The following ANO6 variants were observed in gnomAD, a reference collection of about 807,000 sequenced individuals.
ANO6 encodes the protein anoctamin-6.
Under a neutral mutation model 117.5 loss-of-function variants are expected in ANO6, and 106 were observed. The ratio of observed to expected loss-of-function variants is 0.90; its 90% CI spans 0.77 to 1.06. The LOEUF (loss-of-function observed/expected upper bound fraction) is 1.06. Ranked by LOEUF, ANO6 falls within the 50% of genes least tolerant of loss-of-function variation. ANO6 has a pLI of 0.00. For missense variants in ANO6, 955 were observed against 1,121.1 expected (o/e 0.85, Z 2.12); for synonymous variants, 367 against 385.1 (o/e 0.95, Z 0.55).
chr12:45,293,072 G>C, intron 1 of ANO6: 2 of 1,275,450 alleles, frequency 1.6e-6, no homozygotes, highest in Non-Finnish European at 2.1e-6. Flanking sequence ...TTATTAGTCT[G>C]CTTTGTGTGT....
chr12:45,264,891 G>T (rs1308908686), intron 1 of ANO6, among the ~76,000 whole-genome samples: 9 of 152,156 alleles, frequency 5.9e-5, no homozygotes, highest in Non-Finnish European at 1.3e-4. Context: ...TTGGTCTGAG[G>T]CTGTGAGCTC....
At chr12:45,414,465 G>C (rs535961860) in intron 16 of ANO6, among the ~76,000 whole-genome samples, 2 of 151,972 alleles carry the variant, frequency 1.3e-5, no homozygotes, top group Non-Finnish European at 2.9e-5. Flanking sequence ...TTTTTCCCAT[G>C]ACTTAGCTAG....
At chr12:45,305,919 A>T (rs1240993349) in intron 2 of ANO6, among the ~76,000 whole-genome samples, 1 of 152,004 alleles carries the variant, frequency 6.6e-6, no homozygotes, top group Non-Finnish European at 1.5e-5. Flanking sequence ...AAAAAAAAAT[A>T]ACTGGAGGTG....
chr12:45,339,365 T>C (rs1940915457), intron 3 of ANO6, among the ~76,000 whole-genome samples: 1 of 152,116 alleles, frequency 6.6e-6, no homozygotes, highest in Non-Finnish European at 1.5e-5. Flanking sequence ...GGAAAACACT[T>C]TACTGAAAAA....
Position 45,263,011 on chromosome 12 carries a change from G to A in ANO6, c.71-39003G>A, listed in dbSNP as rs75189298. ...TGGTCTATGGGATCATGTAGGAGGG[G>A]AACTTAACTTGAGGTATAATTTGCA... On this transcript the variant is annotated intron_variant, in intron 1 of 19. Transcript: ENST00000320560. Among the ~76,000 whole-genome samples, 911 of 152,114 alleles carry A rather than the reference G, an allele frequency of 6.0e-3. 14 individuals carry two copies. The highest frequency in any genetic ancestry group is 0.021 in the African/African-American group (866 of 41,470).
At chr12:45,393,715 T>G (rs1262624932) in intron 12 of ANO6, among the ~76,000 whole-genome samples, 1 of 152,200 alleles carries the variant, frequency 6.6e-6, no homozygotes, top group Non-Finnish European at 1.5e-5. Flanking sequence ...AAAAGAATTT[T>G]CAACCCAGAA....
intron 9 of ANO6, among the ~76,000 whole-genome samples, chr12:45,374,046 A>C (rs1941929856): frequency 6.6e-6 from 1 of 152,112 alleles, no homozygotes; most frequent in African/African-American, 2.4e-5. Context: ...ACAGAAATAC[A>C]AACTACCATC....
intron 10 of ANO6, among the ~76,000 whole-genome samples, chr12:45,385,183 A>G (rs535749895): frequency 6.6e-6 from 1 of 152,320 alleles, no homozygotes; most frequent in Non-Finnish European, 1.5e-5. Flanking sequence ...TCCAGTGGGT[A>G]TGATAGACAG....
At chr12:45,342,846 T>C (rs564018422) in intron 3 of ANO6, among the ~76,000 whole-genome samples, 1 of 152,192 alleles carries the variant, frequency 6.6e-6, no homozygotes, top group South Asian at 2.1e-4. Flanking sequence ...TTGGGAAACA[T>C]TTAAGGTGTT....
chr12:45,416,786 G>T lies in ANO6; in HGVS notation c.2099G>T (p.Arg700Ile). 6.2e-7 allele frequency: 1 copy of T among 1,614,118 alleles called. No homozygotes were observed. The change falls in exon 17 of 20, where the codon AGA (arginine) becomes ATA (isoleucine). Residue 700 changes from arginine (R) to isoleucine (I), a missense_variant. By Grantham distance (97) the Arg-to-Ile change is moderately conservative. Transcript: ENST00000320560. ...LALVNNILEI[R>I]VDAWKLTTQF... Reference sequence around the variant, plus strand: ...CTCGTGAACAATATATTGGAAATAAGAGTGGACGCATGGAAACTGACCACC... The same window carrying T: ...CTCGTGAACAATATATTGGAAATAATAGTGGACGCATGGAAACTGACCACC...
intron 18 of ANO6, 86 bp downstream of exon 18, chr12:45,421,359 A>T (rs1197948380): frequency 1.3e-5 from 18 of 1,368,462 alleles, no homozygotes; most frequent in East Asian, 2.5e-5. Flanking sequence ...TGTCATTTTT[A>T]AAATTTTTAT....
chr12:45,251,659 T>C (rs1947902431), intron 1 of ANO6, among the ~76,000 whole-genome samples: 1 of 152,202 alleles, frequency 6.6e-6, no homozygotes, highest in South Asian at 2.1e-4. Context: ...CAGGTACCTT[T>C]CTCATCATGC....
intron 2 of ANO6, among the ~76,000 whole-genome samples, chr12:45,326,076 AC>A (rs1301042239): frequency 6.6e-6 from 1 of 152,178 alleles, no homozygotes; most frequent in Non-Finnish European, 1.5e-5. Context: ...AATATTTAAT[AC>A]TCATTATGCT....
intron 9 of ANO6, among the ~76,000 whole-genome samples, chr12:45,372,379 C>T (rs1157538597): frequency 8.6e-5 from 12 of 139,350 alleles, no homozygotes; most frequent in African/African-American, 1.4e-4. Context: ...AGATACTCCT[C>T]GAGAAGAGCA....
chr12:45,343,379 T>G (rs767953530), intron 3 of ANO6, among the ~76,000 whole-genome samples: 27 of 152,136 alleles, frequency 1.8e-4, no homozygotes, highest in Non-Finnish European at 3.5e-4. Flanking sequence ...TGACTGAATT[T>G]TAGAGGATAC....
chr12:45,250,972 T>C (rs999081842), intron 1 of ANO6, among the ~76,000 whole-genome samples: 9 of 148,604 alleles, frequency 6.1e-5, no homozygotes, highest in Admixed American at 4.7e-4. Flanking sequence ...CTTTGGGAGG[T>C]TGAGGTGGGA....
chr12:45,359,300 C>T (rs758444072), intron 8 of ANO6, among the ~76,000 whole-genome samples: 15 of 152,102 alleles, frequency 9.9e-5, no homozygotes, highest in Non-Finnish European at 2.1e-4. Flanking sequence ...TGAATCTACT[C>T]AGTATGTAAT....
chr12:45,295,981 C>T (rs1002604964), intron 1 of ANO6, among the ~76,000 whole-genome samples: 3 of 152,038 alleles, frequency 2.0e-5, no homozygotes, highest in Non-Finnish European at 2.9e-5. Context: ...GTGCCTCAGC[C>T]TCCTGAGTAG....
chr12:45,222,951 G>A (rs1055457251), intron 1 of ANO6, among the ~76,000 whole-genome samples: 2 of 152,226 alleles, frequency 1.3e-5, no homozygotes, highest in African/African-American at 4.8e-5. Context: ...ACTATCCAAT[G>A]AAGTCTCCAT....
Sources: gnomAD v4.1 joint callset for allele counts (sites outside exome capture counted in the v4.1 genomes callset) on GRCh38, gnomAD v4.1.1 for gene constraint, MANE v1.5 for transcripts, NCBI Gene and HGNC (gene_info 2026-07-23, HGNC 2026-07-21) for gene names.